Variants in PDE1C observed in about 807,000 individuals in gnomAD.
PDE1C encodes dual specificity calcium/calmodulin-dependent 3',5'-cyclic nucleotide phosphodiesterase 1C.
A neutral mutation model predicts 93.1 loss-of-function variants in PDE1C; 62 were observed. That is an observed-to-expected ratio of 0.67 (90% CI 0.54 to 0.82). The LOEUF (loss-of-function observed/expected upper bound fraction) is 0.82. Among genes scored for constraint, PDE1C ranks in the 40% least tolerant of loss-of-function variants. The probability of loss-of-function intolerance (pLI) is 0.00; values close to 1 mark genes in which losing one functional copy is unlikely to be tolerated. For synonymous variants in PDE1C, 325 were observed against 310.1 expected (o/e 1.05, Z -0.50); for missense variants, 742 against 884.6 (o/e 0.84, Z 2.04).
At chr7:32,408,323 T>C (rs1785098809) in intron 1 of PDE1C, among the ~76,000 whole-genome samples, 1 of 152,158 alleles carries the variant, frequency 6.6e-6, no homozygotes, top group South Asian at 2.1e-4. Flanking sequence ...CCAATGAGGC[T>C]GCAGTGGAGT....
At chr7:31,826,583 T>C (rs1192634976) in intron 12 of PDE1C, among the ~76,000 whole-genome samples, 1 of 152,152 alleles carries the variant, frequency 6.6e-6, no homozygotes, top group Non-Finnish European at 1.5e-5. Flanking sequence ...GGGATCATGG[T>C]CCAACCACTT....
chr7:31,693,058 T>G, the PDE1C span, among the ~76,000 whole-genome samples: 1 of 152,200 alleles, frequency 6.6e-6, no homozygotes, highest in African/African-American at 2.4e-5. Context: ...TTTCTAAAAA[T>G]GAGACATTCA....
At chr7:32,082,274 T>C (rs1208711745) in intron 3 of PDE1C, among the ~76,000 whole-genome samples, 1 of 152,238 alleles carries the variant, frequency 6.6e-6, no homozygotes, top group African/African-American at 2.4e-5. Context: ...CACAGCAGTC[T>C]GAGATCAAAC....
At chr7:31,884,942 A>T (rs1010298127) in intron 2 of PDE1C, among the ~76,000 whole-genome samples, 6 of 152,188 alleles carry the variant, frequency 3.9e-5, no homozygotes, top group African/African-American at 1.2e-4. Context: ...ATTTTTGTTC[A>T]ACTGGAAAAG....
chr7:31,691,124 C>T, the PDE1C span, among the ~76,000 whole-genome samples: 1 of 152,156 alleles, frequency 6.6e-6, no homozygotes, highest in Non-Finnish European at 1.5e-5. Flanking sequence ...TTGATTTCTT[C>T]TGAAGTCACT....
At chr7:31,916,737 C>A (rs1326347937) in intron 2 of PDE1C, among the ~76,000 whole-genome samples, 2 of 152,096 alleles carry the variant, frequency 1.3e-5, no homozygotes, top group African/African-American at 4.8e-5. Context: ...TTTGGGAGAG[C>A]TAGACAAAAC....
At chr7:32,101,301 A>T (rs1798025943) in intron 3 of PDE1C, among the ~76,000 whole-genome samples, 1 of 152,204 alleles carries the variant, frequency 6.6e-6, no homozygotes, top group African/African-American at 2.4e-5. Flanking sequence ...TTGGCCAAGG[A>T]CAATTGAAAG....
At chr7:32,279,490 G>A (rs1466823100) in intron 1 of PDE1C, among the ~76,000 whole-genome samples, 5 of 152,020 alleles carry the variant, frequency 3.3e-5, no homozygotes, top group African/African-American at 1.2e-4. Flanking sequence ...CACAATGAAA[G>A]GATCAATGTT....
At chr7:32,115,438 G>A (rs1036886577) in intron 3 of PDE1C, among the ~76,000 whole-genome samples, 1 of 152,078 alleles carries the variant, frequency 6.6e-6, no homozygotes, top group African/African-American at 2.4e-5. Context: ...TGGACACAGG[G>A]AGGGGAACAA....
Position 32,098,046 on chromosome 7 carries a change from C to T in PDE1C, c.308+71739G>A, listed in dbSNP as rs1021987292. 9.4e-5 allele frequency among the ~76,000 whole-genome samples: 14 copies of T among 148,198 alleles called. 1 individual carries two copies. The highest frequency in any genetic ancestry group is 3.3e-4 in the African/African-American group (13 of 38,876). On this transcript the variant is annotated intron_variant, in intron 3 of 18. Transcript: ENST00000396193. ...GAGATCGAGACCATCCTGGCTAACACGGTGAAACCCCGTCTCTACTAAAAA... is the reference window on the plus strand; with the variant it reads ...GAGATCGAGACCATCCTGGCTAACATGGTGAAACCCCGTCTCTACTAAAAA...
intron 16 of PDE1C, among the ~76,000 whole-genome samples, chr7:31,776,542 C>G (rs1417421373): frequency 2.6e-5 from 4 of 152,126 alleles, no homozygotes; most frequent in African/African-American, 9.7e-5. Flanking sequence ...AAAGGGAGAA[C>G]TGAGAGGTCC....
chr7:32,386,751 C>T (rs975511583), intron 1 of PDE1C, among the ~76,000 whole-genome samples: 3 of 151,296 alleles, frequency 2.0e-5, no homozygotes, highest in Admixed American at 2.0e-4. Flanking sequence ...ACTGCTGTTA[C>T]AGTCATGAAC....
chr7:31,756,445 A>G (rs1265662382), intron 17 of PDE1C, among the ~76,000 whole-genome samples: 5 of 152,218 alleles, frequency 3.3e-5, no homozygotes, highest in African/African-American at 1.2e-4. Flanking sequence ...AAATTAGGGA[A>G]GTCTGAGGAA....
At chr7:32,245,829 C>T (rs1457782444) in intron 1 of PDE1C, among the ~76,000 whole-genome samples, 2 of 152,264 alleles carry the variant, frequency 1.3e-5, no homozygotes, top group East Asian at 3.9e-4. Context: ...CTAGCAAGCG[C>T]TCTGGGGTCT....
intron 3 of PDE1C, among the ~76,000 whole-genome samples, chr7:32,156,107 T>C (rs1205700472): frequency 3.3e-5 from 5 of 152,170 alleles, no homozygotes; most frequent in Non-Finnish European, 7.3e-5. Flanking sequence ...TAAAAGACAT[T>C]GTTTTCTTTT....
At chr7:32,328,551 T>A (rs1206454082) in intron 1 of PDE1C, among the ~76,000 whole-genome samples, 1 of 152,150 alleles carries the variant, frequency 6.6e-6, no homozygotes, top group Admixed American at 6.5e-5. Flanking sequence ...GCCTCCTTCC[T>A]CTTCCTTGAA....
the PDE1C span, among the ~76,000 whole-genome samples, chr7:31,677,083 G>A: frequency 6.6e-6 from 1 of 152,150 alleles, no homozygotes; most frequent in Non-Finnish European, 1.5e-5. Context: ...ATTAAAAAAT[G>A]TGTAGCAGTA....
chr7:32,107,159 AAGAT>A (rs1326550671), intron 3 of PDE1C, among the ~76,000 whole-genome samples: 1 of 151,864 alleles, frequency 6.6e-6, no homozygotes, highest in African/African-American at 2.4e-5. Flanking sequence ...GAAAAAAAAA[AAGAT>A]AGAACAGAAT....
intron 1 of PDE1C, among the ~76,000 whole-genome samples, chr7:32,417,293 T>TA (rs749349942): frequency 1.1e-4 from 17 of 149,980 alleles, no homozygotes; most frequent in South Asian, 2.1e-4. Flanking sequence ...TTTTTTTTTT[T>TA]AACCAGTGAT....
Sources: gnomAD v4.1 joint callset for allele counts (sites outside exome capture counted in the v4.1 genomes callset) on GRCh38, gnomAD v4.1.1 for gene constraint, MANE v1.5 for transcripts, NCBI Gene and HGNC (gene_info 2026-07-23, HGNC 2026-07-21) for gene names.